Variants in PIEZO2 observed in about 807,000 individuals in gnomAD.
PIEZO2 encodes the protein piezo type mechanosensitive ion channel component 2.
A neutral mutation model predicts 337.3 loss-of-function variants in PIEZO2; 172 were observed. That is an observed-to-expected ratio of 0.51 (90% CI 0.45 to 0.58). The LOEUF (loss-of-function observed/expected upper bound fraction) is 0.58. Ranked by LOEUF, PIEZO2 falls within the 20% of genes least tolerant of loss-of-function variation. The pLI, the probability that PIEZO2 is intolerant of heterozygous loss-of-function variation, is 0.00. For missense variants in PIEZO2, 3,028 were observed against 3,391.3 expected, an observed-to-expected ratio of 0.89 and a Z score of 2.66; for synonymous variants, 1,251 against 1,228.5, an observed-to-expected ratio of 1.02 and a Z score of -0.38.
intron 7 of PIEZO2, among the ~76,000 whole-genome samples, chr18:10,814,260 T>C (rs559318015): frequency 5.9e-4 from 89 of 151,780 alleles, no homozygotes; most frequent in Non-Finnish European, 8.3e-4. Flanking sequence ...TGAGCCACCG[T>C]GCCCCGTCCC....
At position 10,969,221 on chromosome 18, in the gene PIEZO2, G is replaced by C. The variant is rs779315970; in HGVS notation, c.286+10314C>G. Among the ~76,000 whole-genome samples, 1 of 152,158 alleles carries C rather than the reference G, an allele frequency of 6.6e-6. No homozygotes were observed. Among genetic ancestry groups the C allele is most frequent in the African/African-American group, 2.4e-5 (1 of 41,452 alleles). The stretch of plus-strand genomic sequence containing the variant: ...GGTTGAGTTTACTTCCATACCACAC[G>C]GACTTGCGTTAGTGCTTTTATTGTA... On this transcript the variant is annotated intron_variant, in intron 3 of 55. Transcript: ENST00000674853. This position sits in a 1 kb window ranked among gnomAD's most constrained non-coding sequence, Gnocchi z 4.5.
chr18:10,811,410 G>A (rs2040185939), intron 7 of PIEZO2, among the ~76,000 whole-genome samples: 2 of 152,202 alleles, frequency 1.3e-5, no homozygotes, highest in Admixed American at 1.3e-4. Flanking sequence ...TTAGGGTACG[G>A]AAGGTTTTAA....
At chr18:11,061,175 T>G (rs1271049980) in intron 2 of PIEZO2, among the ~76,000 whole-genome samples, 1 of 152,162 alleles carries the variant, frequency 6.6e-6, no homozygotes, top group Non-Finnish European at 1.5e-5. Flanking sequence ...TCTCAATAGA[T>G]GCAGAAAAGG....
chr18:10,955,347 C>G (rs1211768820), intron 3 of PIEZO2, among the ~76,000 whole-genome samples: 1 of 152,134 alleles, frequency 6.6e-6, no homozygotes, highest in Non-Finnish European at 1.5e-5. Context: ...TTGGCATGGC[C>G]TGTCTGGGAG....
Position 10,982,214 on chromosome 18 carries a change from GT to G in PIEZO2, c.161-2555del. Among the ~76,000 whole-genome samples the G allele has an allele frequency of 6.6e-6, 1 of 152,262 alleles. No individual in the cohort carries two copies. Among genetic ancestry groups the G allele is most frequent in the Non-Finnish European group, 1.5e-5 (1 of 68,034 alleles). On this transcript the variant is annotated intron_variant, in intron 2 of 55. Transcript: ENST00000674853. The surrounding 1 kb of genome is among the most constrained non-coding windows in gnomAD (Gnocchi z 4.1). ...TGTTTGTAAATATCCATTACTAGGTGTATTCGGGTTCTCTAGAGGGACAGGA... is the reference window on the plus strand; with the variant it reads ...TGTTTGTAAATATCCATTACTAGGTGATTCGGGTTCTCTAGAGGGACAGGA...
intron 3 of PIEZO2, among the ~76,000 whole-genome samples, chr18:10,975,364 A>T (rs2034403146): frequency 6.6e-6 from 1 of 152,184 alleles, no homozygotes; most frequent in South Asian, 2.1e-4. Flanking sequence ...GTTTTGGTGG[A>T]ATGAAAATAT....
At position 10,724,406 on chromosome 18, in the gene PIEZO2, TTG is replaced by T; in HGVS notation, c.5030-6149_5030-6148del. ...AGTGCTTTCTCCTGGCCCAGCATACTTGGGTGAAGTCTGCTGGAGGCAATGCA... is the reference window on the plus strand; with the variant it reads ...AGTGCTTTCTCCTGGCCCAGCATACTGGTGAAGTCTGCTGGAGGCAATGCA... On this transcript the variant is annotated intron_variant, in intron 36 of 55. Transcript: ENST00000674853. The surrounding 1 kb of genome is among the most constrained non-coding windows in gnomAD (Gnocchi z 5.8). Among the ~76,000 whole-genome samples the T allele has an allele frequency of 6.6e-6, 1 of 152,274 alleles. No individual in the cohort carries two copies. Among genetic ancestry groups the T allele is most frequent in the East Asian group, 1.9e-4 (1 of 5,184 alleles).
chr18:10,811,829 G>GT (rs1420007392), intron 7 of PIEZO2, among the ~76,000 whole-genome samples: 1 of 152,136 alleles, frequency 6.6e-6, no homozygotes, highest in Non-Finnish European at 1.5e-5. Context: ...AGTTGTTGTT[G>GT]TTTTTTTCTT....
intron 4 of PIEZO2, among the ~76,000 whole-genome samples, chr18:10,874,756 A>G (rs79532569): frequency 6.6e-6 from 1 of 152,198 alleles, no homozygotes; most frequent in Non-Finnish European, 1.5e-5. Flanking sequence ...CTGAGCTAAA[A>G]AAGTGGATCT....
chr18:11,123,151 A>G (rs559212502), intron 1 of PIEZO2, among the ~76,000 whole-genome samples: 1 of 152,260 alleles, frequency 6.6e-6, no homozygotes, highest in Non-Finnish European at 1.5e-5. Context: ...GCATGTCCCA[A>G]CAGATCACAA....
intron 1 of PIEZO2, among the ~76,000 whole-genome samples, chr18:11,073,490 C>T (rs1415964505): frequency 6.6e-6 from 1 of 152,168 alleles, no homozygotes; most frequent in East Asian, 1.9e-4. Flanking sequence ...ACCCAAAAGC[C>T]ACCCGAGTCA....
In PIEZO2 at chr18:10,942,725, G is replaced by T. The variant is rs1225099427; in HGVS notation, c.287-31497C>A. ...CAGAAATTTGCATAAGTAATGAAGA[G>T]CCAAATATTAATCCCCAAGACAATG... On this transcript the variant is annotated intron_variant, in intron 3 of 55. Transcript: ENST00000674853. This position sits in a 1 kb window ranked among gnomAD's most constrained non-coding sequence, Gnocchi z 4.4. 6.6e-6 allele frequency among the ~76,000 whole-genome samples: 1 copy of T among 152,176 alleles called. No homozygotes were observed. The highest frequency in any genetic ancestry group is 1.5e-5 in the Non-Finnish European group (1 of 68,026).
chr18:10,984,182 A>G (rs934035002), intron 2 of PIEZO2, among the ~76,000 whole-genome samples: 1 of 152,192 alleles, frequency 6.6e-6, no homozygotes, highest in African/African-American at 2.4e-5. Flanking sequence ...ATTCAAGAAC[A>G]TGAAGATTCA....
chr18:10,983,452 G>A (rs2034746279), intron 2 of PIEZO2, among the ~76,000 whole-genome samples: 1 of 152,208 alleles, frequency 6.6e-6, no homozygotes, highest in Non-Finnish European at 1.5e-5. Flanking sequence ...TAGGGAAAGT[G>A]AGTGATGTGT....
Position 11,032,446 on chromosome 18 carries a change from A to C in PIEZO2, c.160+33681T>G, listed in dbSNP as rs2036776162. Among the ~76,000 whole-genome samples, 1 of 152,198 alleles carries C rather than the reference A, an allele frequency of 6.6e-6. No homozygotes were observed. The highest frequency in any genetic ancestry group is 2.4e-5 in the African/African-American group (1 of 41,450). On this transcript the variant is annotated intron_variant, in intron 2 of 55. Transcript: ENST00000674853. This position sits in a 1 kb window ranked among gnomAD's most constrained non-coding sequence, Gnocchi z 4.9. ...TTTACTGAATTTCAGCTCTTGCTCT[A>C]TTAGAATACGGAGCTATTCTTGGCA...
chr18:11,060,335 A>G (rs991039442), intron 2 of PIEZO2, among the ~76,000 whole-genome samples: 3 of 152,202 alleles, frequency 2.0e-5, no homozygotes, highest in Non-Finnish European at 4.4e-5. Context: ...CCCTAACATC[A>G]CAATTAAAAG....
intron 10 of PIEZO2, among the ~76,000 whole-genome samples, chr18:10,800,773 G>A (rs2039784927): frequency 6.6e-6 from 1 of 151,600 alleles, no homozygotes; most frequent in African/African-American, 2.4e-5. Flanking sequence ...GTAAATGGCT[G>A]AAGGAGGCCT....
chr18:11,140,927 C>T (rs1199104005), intron 1 of PIEZO2, among the ~76,000 whole-genome samples: 1 of 152,190 alleles, frequency 6.6e-6, no homozygotes, highest in Non-Finnish European at 1.5e-5. Flanking sequence ...CCTTCTGCAT[C>T]TCCTACCTCC....
rs1008257900 is a variant in PIEZO2, at chr18:10,704,430, G to A, written c.6222C>T (p.Ser2074=). ...CGATGGCCATCATCCAGAACCGGCG[G>A]CTGGGCCTGGGGACGGACAACATGG... ...LWAMLSVPRP[S]RRFWMMAIVY... Residue 2074 remains serine, a synonymous_variant, in exon 42 of 56, where the codon AGC becomes AGT. Coordinates refer to ENST00000674853, the MANE Select transcript of PIEZO2 (RefSeq NM_001378183.1). 8 of 1,537,218 alleles carry A rather than the reference G, an allele frequency of 5.2e-6. No individual in the cohort carries two copies. Among genetic ancestry groups the A allele is most frequent in the East Asian group, 4.9e-5 (2 of 40,898 alleles).
Sources: gnomAD v4.1 joint callset for allele counts (sites outside exome capture counted in the v4.1 genomes callset) on GRCh38, gnomAD v4.1.1 for gene constraint, Gnocchi (gnomAD v3.1) non-coding constraint, MANE v1.5 for transcripts, NCBI Gene and HGNC (gene_info 2026-07-23, HGNC 2026-07-21) for gene names.